SLTM: variants seen among roughly 807,000 people sequenced by gnomAD.
SLTM encodes the protein SAFB like transcription modulator, also known as SAFB-like transcription modulator.
Under a neutral mutation model 134.6 loss-of-function variants are expected in SLTM, and 43 were observed. That is an observed-to-expected ratio of 0.32 (90% CI 0.25 to 0.41). SLTM has a LOEUF of 0.41. SLTM is among the 10% of genes least tolerant of loss of function. SLTM has a pLI of 1.00. For synonymous variants in SLTM, 424 were observed against 432.3 expected (o/e 0.98, Z 0.24); for missense variants, 1,055 against 1,288.8 (o/e 0.82, Z 2.78).
chr15:58,912,203 CA>C (rs1567141779), intron 5 of SLTM, among the ~76,000 whole-genome samples: 1 of 151,658 alleles, frequency 6.6e-6, no homozygotes, highest in Non-Finnish European at 1.5e-5. Flanking sequence ...GCGTTCATGC[CA>C]TTCTCCTGCC....
At chr15:58,922,038 T>C (rs551451572) in intron 2 of SLTM, among the ~76,000 whole-genome samples, 68 of 152,050 alleles carry the variant, frequency 4.5e-4, no homozygotes, top group African/African-American at 1.5e-3. Flanking sequence ...TCTTATTTTG[T>C]GAAAAAACAC....
At chr15:58,895,392 A>T (rs781708773) in intron 9 of SLTM, among the ~76,000 whole-genome samples, 1 of 152,238 alleles carries the variant, frequency 6.6e-6, no homozygotes, top group African/African-American at 2.4e-5. Flanking sequence ...TAAAACGTAT[A>T]TGAACATGAC....
At chr15:58,926,380 C>T (rs1363800107) in intron 2 of SLTM, among the ~76,000 whole-genome samples, 1 of 152,064 alleles carries the variant, frequency 6.6e-6, no homozygotes, top group African/African-American at 2.4e-5. Context: ...ACATAAACCT[C>T]CTGTAAGTAC....
rs564500607 is a variant in SLTM, at chr15:58,883,542, C to CA, written c.2996+83dup. The CA allele has an allele frequency of 3.1e-5, 48 of 1,548,646 alleles. No homozygotes were observed. The South Asian group carries it at 5.1e-4, about 17-fold the overall frequency. On this transcript the variant is annotated intron_variant, in intron 20 of 20. Transcript: ENST00000380516. ...TCTAGGGTTTTCAGTAGTTGCAATT[C>CA]AGTCTCTCAGAAACTATAATGACTT...
intron 4 of SLTM, 132 bp downstream of exon 4, chr15:58,913,367 G>C (rs764377976): frequency 2.6e-5 from 17 of 658,536 alleles, no homozygotes; most frequent in Non-Finnish European, 3.8e-5. Flanking sequence ...GATTTTAGAT[G>C]ACTTATAAGT....
At chr15:58,902,285 G>A (rs746261349) in intron 5 of SLTM, among the ~76,000 whole-genome samples, 10 of 151,962 alleles carry the variant, frequency 6.6e-5, no homozygotes, top group South Asian at 2.1e-4. Context: ...ATGCTCAGGC[G>A]GTCTCGAACT....
At chr15:58,933,350 A>T in intron 1 of SLTM, 54 bp downstream of exon 1, 1 of 1,507,546 alleles carries the variant, frequency 6.6e-7, no homozygotes, top group Non-Finnish European at 8.9e-7. Context: ...CGGGGCGCCG[A>T]GGCGCGGCCT....
In SLTM at chr15:58,889,471, T is replaced by C; in HGVS notation, c.2163A>G (p.Glu721=). Residue 721 remains glutamate, a synonymous_variant, in exon 16 of 21, where the codon GAA becomes GAG. Coordinates refer to ENST00000380516, the MANE Select transcript of SLTM (RefSeq NM_024755.4). ...RQQQQLRYEQ[E]KRNSLKRPRD... is the part of the protein sequence containing the mutation. Reference sequence around the variant, plus strand: ...GTGGGCGTTTCAAGGAATTCCTTTTTTCTTGTTCATAACGAAGCTGCTGTT... The same window carrying C: ...GTGGGCGTTTCAAGGAATTCCTTTTCTCTTGTTCATAACGAAGCTGCTGTT... 1.2e-6 allele frequency: 2 copies of C among 1,614,142 alleles called. No homozygotes were observed. The highest frequency in any genetic ancestry group is 1.7e-6 in the Non-Finnish European group (2 of 1,179,956).
Position 58,928,245 on chromosome 15 carries a change from C to T in SLTM, c.250+4111G>A, listed in dbSNP as rs79961108. On this transcript the variant is annotated intron_variant, in intron 2 of 20. Coordinates refer to ENST00000380516, the MANE Select transcript of SLTM (RefSeq NM_024755.4). Reference sequence around the variant, plus strand: ...ATTTTAAAAGAAAAGGATATGCCAGCATCAGGTAAACCAAAAGTCTTTAAA... The same window carrying T: ...ATTTTAAAAGAAAAGGATATGCCAGTATCAGGTAAACCAAAAGTCTTTAAA... Among the ~76,000 whole-genome samples, 1,430 of 152,256 alleles carry T rather than the reference C, an allele frequency of 9.4e-3. 18 individuals carry two copies. The highest frequency in any genetic ancestry group is 0.032 in the African/African-American group (1,346 of 41,558).
chr15:58,904,575 C>T (rs1488286745), intron 5 of SLTM, among the ~76,000 whole-genome samples: 2 of 145,838 alleles, frequency 1.4e-5, no homozygotes, highest in Non-Finnish European at 1.5e-5. Flanking sequence ...GGCAGAGTCT[C>T]ACTCCGTCAG....
At chr15:58,886,900 T>C (rs1244089694) in intron 19 of SLTM, 75 bp downstream of exon 19, 1 of 1,559,100 alleles carries the variant, frequency 6.4e-7, no homozygotes, top group East Asian at 2.2e-5. Context: ...AAAATGCTAC[T>C]GTATATCCAG....
chr15:58,916,193 TGAGACG>T (rs1219343410), intron 3 of SLTM, among the ~76,000 whole-genome samples: 1 of 150,914 alleles, frequency 6.6e-6, no homozygotes, highest in African/African-American at 2.4e-5. Flanking sequence ...TTTTTTTTTT[TGAGACG>T]GAGTCTTGCT....
chr15:58,933,341 G>T, intron 1 of SLTM, 63 bp downstream of exon 1: 1 of 1,485,684 alleles, frequency 6.7e-7, no homozygotes, highest in Non-Finnish European at 9.0e-7. Context: ...CGGCGGAAGC[G>T]GGGCGCCGAG....
chr15:58,895,744 C>A (rs543111273), intron 9 of SLTM, among the ~76,000 whole-genome samples: 4 of 152,202 alleles, frequency 2.6e-5, no homozygotes, highest in East Asian at 3.9e-4. Context: ...TTATTGAAAA[C>A]AGAAGAAAAA....
At chr15:58,926,115 A>G (rs745396167) in intron 2 of SLTM, among the ~76,000 whole-genome samples, 2 of 152,172 alleles carry the variant, frequency 1.3e-5, no homozygotes, top group Non-Finnish European at 2.9e-5. Context: ...TAACAACCCA[A>G]ACCAACTCTA....
intron 2 of SLTM, among the ~76,000 whole-genome samples, chr15:58,927,984 T>A (rs904745554): frequency 6.6e-6 from 1 of 152,234 alleles, no homozygotes; most frequent in Non-Finnish European, 1.5e-5. Flanking sequence ...TAGTCTGTGG[T>A]ATTTTCCACA....
intron 2 of SLTM, among the ~76,000 whole-genome samples, chr15:58,930,600 C>A (rs1271507139): frequency 6.6e-6 from 1 of 151,658 alleles, no homozygotes; most frequent in Non-Finnish European, 1.5e-5. Context: ...GTAGTCCCAG[C>A]TACCAGGGAG....
intron 14 of SLTM, among the ~76,000 whole-genome samples, chr15:58,892,019 T>C (rs1213021527): frequency 6.6e-6 from 1 of 152,202 alleles, no homozygotes. Flanking sequence ...GGGTTCTATG[T>C]GCTACAAGGA....
In SLTM at chr15:58,899,520, T is replaced by G. The variant is rs1304182413; in HGVS notation, c.1007A>C (p.Asp336Ala). Reference sequence around the variant, plus strand: ...AGACGAGGGCCCTTTCTTCAAAGTATCCTTTTCTTTGTCTCCAGATTCTGC... The same window carrying G: ...AGACGAGGGCCCTTTCTTCAAAGTAGCCTTTTCTTTGTCTCCAGATTCTGC... ...KKAESGDKEK[D>A]TLKKGPSSTG... is the part of the protein sequence containing the mutation. Residue 336 changes from aspartate (D) to alanine (A), a missense_variant, in exon 7 of 21, where the codon GAT becomes GCT. Physicochemically the swap from Asp to Ala is moderately radical, Grantham distance 126. Transcript: ENST00000380516. The surrounding 1 kb of genome is among the most constrained non-coding windows in gnomAD (Gnocchi z 5.0). The G allele has an allele frequency of 1.2e-6, 2 of 1,614,040 alleles. No homozygotes were observed. The highest frequency in any genetic ancestry group is 2.7e-5 in the African/African-American group (2 of 74,926).
Sources: allele counts gnomAD v4.1 joint callset (sites outside exome capture counted in the v4.1 genomes callset), GRCh38; gene constraint gnomAD v4.1.1; non-coding constraint Gnocchi (gnomAD v3.1); transcripts MANE v1.5; gene names NCBI Gene and HGNC (gene_info 2026-07-23, HGNC 2026-07-21).